Variants in RABEP1 observed in about 807,000 individuals in gnomAD.
RABEP1 encodes rab GTPase-binding effector protein 1.
Under a neutral mutation model 123.4 loss-of-function variants are expected in RABEP1, and 51 were observed. That is an observed-to-expected ratio of 0.41 (90% CI 0.33 to 0.52). The LOEUF is 0.52. RABEP1 is among the 20% of genes least tolerant of loss of function. The pLI, the probability that RABEP1 is intolerant of heterozygous loss-of-function variation, is 0.16. For missense variants in RABEP1, 888 were observed against 996.3 expected, an observed-to-expected ratio of 0.89 and a Z score of 1.46; for synonymous variants, 347 against 355.2, an observed-to-expected ratio of 0.98 and a Z score of 0.26.
In RABEP1 at chr17:5,383,259, T is replaced by G. The variant is rs1597306419; in HGVS notation, c.*36T>G. ...GCAGGATTCTAGCCTGCACTTTGGGTTTTTAACTCATCTTTAGAGCAACAG... is the reference window on the plus strand; with the variant it reads ...GCAGGATTCTAGCCTGCACTTTGGGGTTTTAACTCATCTTTAGAGCAACAG... On this transcript the variant is annotated 3_prime_UTR_variant, in exon 18 of 18. Transcript: ENST00000537505. 1 of 1,521,092 alleles carries G rather than the reference T, an allele frequency of 6.6e-7. No individual in the cohort carries two copies. The highest frequency in any genetic ancestry group is 9.1e-7 in the Non-Finnish European group (1 of 1,095,840). The allele number at this position is 1,521,092 out of a possible 1,614,324, so 94.2% of individuals were successfully genotyped here.
intron 2 of RABEP1, among the ~76,000 whole-genome samples, chr17:5,313,749 A>G (rs1393169036): frequency 6.6e-6 from 1 of 152,190 alleles, no homozygotes; most frequent in Non-Finnish European, 1.5e-5. Flanking sequence ...GCCACAGCGA[A>G]CAGTTGGGGT....
chr17:5,372,182 C>A (rs764082875), intron 12 of RABEP1, among the ~76,000 whole-genome samples: 1 of 152,058 alleles, frequency 6.6e-6, no homozygotes, highest in African/African-American at 2.4e-5. Context: ...CGGTGGCTCA[C>A]GCCTGTAATC....
rs141337572 is a variant in RABEP1 at position 5,329,485 on chromosome 17, C to G, written c.164-2464C>G. Among the ~76,000 whole-genome samples the G allele has an allele frequency of 4.6e-5, 7 of 152,210 alleles. No homozygotes were observed. In the South Asian group the frequency reaches 1.0e-3, roughly 23 times the overall value. ...GGCAGAGGTTGCAGTGAGCCAAGAT[C>G]GTGCCACTGCACTCTAGCCTGGGCA... On this transcript the variant is annotated intron_variant, in intron 2 of 17. Coordinates refer to ENST00000537505, the MANE Select transcript of RABEP1 (RefSeq NM_004703.6).
At chr17:5,310,301 C>CTTTGTTTTTTTTT (rs2075224480) in intron 2 of RABEP1, among the ~76,000 whole-genome samples, 1 of 126,438 alleles carries the variant, frequency 7.9e-6, no homozygotes, top group African/African-American at 3.1e-5. Flanking sequence ...AAGCTTCGTC[C>CTTTGTTTTTTTTT]TTTTTTTTTT....
At chr17:5,381,818 T>A (rs1567557615) in intron 17 of RABEP1, 1 of 208,992 alleles carries the variant, frequency 4.8e-6, no homozygotes, top group Non-Finnish European at 9.3e-6. Flanking sequence ...CTGCCTTGTT[T>A]TACATGTTTA....
At chr17:5,366,028 G>C (rs1167843538) in intron 11 of RABEP1, among the ~76,000 whole-genome samples, 1 of 152,142 alleles carries the variant, frequency 6.6e-6, no homozygotes, top group Non-Finnish European at 1.5e-5. Context: ...TGTAACTAGG[G>C]GTGGAATGCT....
chr17:5,342,599 C>CT (rs367670012), intron 5 of RABEP1, among the ~76,000 whole-genome samples: 1 of 152,314 alleles, frequency 6.6e-6, no homozygotes, highest in Non-Finnish European at 1.5e-5. Context: ...GAGCGAGACT[C>CT]TGTCTCACAC....
intron 1 of RABEP1, among the ~76,000 whole-genome samples, chr17:5,299,770 G>T (rs1023519866): frequency 8.5e-6 from 1 of 118,158 alleles, no homozygotes; most frequent in Admixed American, 1.1e-4. Context: ...TCTCCTTGTC[G>T]CCAGGCTGGA....
intron 2 of RABEP1, among the ~76,000 whole-genome samples, chr17:5,315,957 G>T (rs1283276297): frequency 6.6e-6 from 1 of 152,098 alleles, no homozygotes; most frequent in Non-Finnish European, 1.5e-5. Flanking sequence ...CCAGAGAAAA[G>T]AAACAATTAC....
At chr17:5,378,932 TC>T (rs1911220507) in intron 15 of RABEP1, among the ~76,000 whole-genome samples, 1 of 152,112 alleles carries the variant, frequency 6.6e-6, no homozygotes, top group Non-Finnish European at 1.5e-5. Flanking sequence ...GTCCCTATGG[TC>T]TTTGACTCCT....
chr17:5,353,347 A>G (rs1191337421), intron 7 of RABEP1, among the ~76,000 whole-genome samples: 1 of 152,176 alleles, frequency 6.6e-6, no homozygotes, highest in African/African-American at 2.4e-5. Flanking sequence ...TTCAGATGAA[A>G]TCAGTCATTG....
chr17:5,313,282 A>G (rs578140254), intron 2 of RABEP1, among the ~76,000 whole-genome samples: 1 of 152,324 alleles, frequency 6.6e-6, no homozygotes, highest in South Asian at 2.1e-4. Flanking sequence ...AGGTTGTGGT[A>G]GTATTTTCTC....
chr17:5,331,919 T>G (rs749943601), intron 2 of RABEP1, 30 bp from the exon 3 acceptor site: 1 of 1,595,368 alleles, frequency 6.3e-7, no homozygotes, highest in Non-Finnish European at 8.6e-7. Context: ...AAGTGAACAT[T>G]AATGGACTAT....
chr17:5,337,759 G>A (rs555882186), intron 4 of RABEP1, among the ~76,000 whole-genome samples: 9 of 152,242 alleles, frequency 5.9e-5, no homozygotes, highest in African/African-American at 2.2e-4. Flanking sequence ...AATTGATTAA[G>A]AAGTCAAATT....
intron 8 of RABEP1, among the ~76,000 whole-genome samples, chr17:5,357,661 G>T (rs544591190): frequency 2.6e-5 from 4 of 152,186 alleles, no homozygotes; most frequent in Admixed American, 2.6e-4. Context: ...GTGAGCCACC[G>T]TTTCCAGCTT....
At chr17:5,381,938 G>A (rs183197597) in intron 17 of RABEP1, among the ~76,000 whole-genome samples, 2 of 152,224 alleles carry the variant, frequency 1.3e-5, no homozygotes, top group East Asian at 3.9e-4. Context: ...TGTCCCCTCT[G>A]TGGAGCTCTT....
At position 5,303,402 on chromosome 17, in the gene RABEP1, C is replaced by T. The variant is rs117476115; in HGVS notation, c.35-5292C>T. On this transcript the variant is annotated intron_variant, in intron 1 of 17. Coordinates refer to ENST00000537505, the MANE Select transcript of RABEP1 (RefSeq NM_004703.6). ...GATGACAGGCACGCACTATCACGTC[C>T]GTCTAATTTTTGTATTTTTGGTAGA... Among the ~76,000 whole-genome samples, 13 of 152,094 alleles carry T rather than the reference C, an allele frequency of 8.5e-5. 1 individual carries two copies. In the East Asian group the frequency reaches 2.1e-3, roughly 25 times the overall value.
At chr17:5,367,352 A>C (rs1038032271) in intron 11 of RABEP1, among the ~76,000 whole-genome samples, 2 of 151,676 alleles carry the variant, frequency 1.3e-5, no homozygotes, top group African/African-American at 2.4e-5. Context: ...GCTCACTGCA[A>C]CGTCTGCCTC....
At chr17:5,369,190 C>T (rs1348139068) in intron 12 of RABEP1, among the ~76,000 whole-genome samples, 1 of 152,070 alleles carries the variant, frequency 6.6e-6, no homozygotes, top group Non-Finnish European at 1.5e-5. Context: ...GGGGACCTTC[C>T]AGAAGGCCAT....
Sources: allele counts gnomAD v4.1 joint callset (sites outside exome capture counted in the v4.1 genomes callset), GRCh38; gene constraint gnomAD v4.1.1; transcripts MANE v1.5; gene names NCBI Gene and HGNC (gene_info 2026-07-23, HGNC 2026-07-21).